Variants in PRKCE observed in about 807,000 individuals in gnomAD.
PRKCE encodes protein kinase C epsilon.
A neutral mutation model predicts 85.4 loss-of-function variants in PRKCE; 16 were observed. The ratio of observed to expected loss-of-function variants is 0.19; its 90% CI spans 0.13 to 0.28. PRKCE has a LOEUF of 0.28. Ranked by LOEUF, PRKCE falls within the 10% of genes least tolerant of loss-of-function variation. The probability of loss-of-function intolerance (pLI) is 1.00; values close to 1 mark genes in which losing one functional copy is unlikely to be tolerated. For missense variants in PRKCE, 573 were observed against 975.2 expected (o/e 0.59, Z 5.49); for synonymous variants, 388 against 371.5 (o/e 1.04, Z -0.51).
At chr2:45,655,072 C>T (rs890365135) in intron 1 of PRKCE, among the ~76,000 whole-genome samples, 1 of 152,164 alleles carries the variant, frequency 6.6e-6, no homozygotes, top group African/African-American at 2.4e-5. Context: ...TGCGGAACAC[C>T]GAATTCTGCC....
At position 46,048,548 on chromosome 2, in the gene PRKCE, C is replaced by T. The variant is rs72806747; in HGVS notation, c.1438-37660C>T. Among the ~76,000 whole-genome samples, 1,431 of 152,246 alleles carry T rather than the reference C, an allele frequency of 9.4e-3. 13 individuals are homozygous for T. The highest frequency in any genetic ancestry group is 0.03 in the South Asian group (143 of 4,818). On this transcript the variant is annotated intron_variant, in intron 10 of 14. Transcript: ENST00000306156. ...AAGCAAGGTGCTCGGGTCTTGTCAC[C>T]GAGGGGTGGACGTGCCCAGTGTCGG... is the stretch of plus-strand genomic sequence containing the variant.
intron 1 of PRKCE, among the ~76,000 whole-genome samples, chr2:45,820,134 T>C (rs1193116666): frequency 6.6e-6 from 1 of 152,114 alleles, no homozygotes; most frequent in East Asian, 1.9e-4. Context: ...ACGAAGGTAA[T>C]GGAAACATCA....
intron 10 of PRKCE, among the ~76,000 whole-genome samples, chr2:46,085,647 C>T (rs764671509): frequency 8.5e-6 from 1 of 117,630 alleles, no homozygotes; most frequent in Non-Finnish European, 1.8e-5. Flanking sequence ...CTTATAAGGA[C>T]ACTTATGATT....
intron 10 of PRKCE, among the ~76,000 whole-genome samples, chr2:46,071,050 T>G (rs1260379188): frequency 2.0e-5 from 3 of 152,206 alleles, no homozygotes; most frequent in Non-Finnish European, 4.4e-5. Context: ...CTCATCACTG[T>G]TCTCTTAAGT....
At chr2:45,682,375 G>A (rs1304532023) in intron 1 of PRKCE, among the ~76,000 whole-genome samples, 2 of 152,140 alleles carry the variant, frequency 1.3e-5, no homozygotes, top group South Asian at 4.1e-4. Context: ...CACACTGGTG[G>A]TAAGGGGGTA....
rs566780988 is a variant in PRKCE, at chr2:45,773,634, G to A, written c.349-69366G>A. On this transcript the variant is annotated intron_variant, in intron 1 of 14. Coordinates refer to ENST00000306156, the MANE Select transcript of PRKCE (RefSeq NM_005400.3). ...TGTGTAATTGGGACTTGAATTGACT[G>A]TTTGGGAGCATTCTAGAATTCCAGT... Among the ~76,000 whole-genome samples, 5 of 152,332 alleles carry A rather than the reference G, an allele frequency of 3.3e-5. No homozygotes were observed. The East Asian group carries it at 7.7e-4, about 24-fold the overall frequency.
In PRKCE at chr2:45,913,430, G is replaced by A. The variant is rs139805608; in HGVS notation, c.413-62999G>A. Reference sequence around the variant, plus strand: ...CTCCCAGAGTGCTTGGATTATAGGCGTGAGCCACCATGCCCAGCCAGCAAG... The same window carrying A: ...CTCCCAGAGTGCTTGGATTATAGGCATGAGCCACCATGCCCAGCCAGCAAG... On this transcript the variant is annotated intron_variant, in intron 2 of 14. Coordinates refer to ENST00000306156, the MANE Select transcript of PRKCE (RefSeq NM_005400.3). Among the ~76,000 whole-genome samples the A allele has an allele frequency of 1.9e-3, 287 of 152,332 alleles. 1 individual carries two copies. Among genetic ancestry groups the A allele is most frequent in the African/African-American group, 6.5e-3 (271 of 41,562 alleles).
At chr2:46,065,544 G>C (rs941669758) in intron 10 of PRKCE, among the ~76,000 whole-genome samples, 1 of 152,034 alleles carries the variant, frequency 6.6e-6, no homozygotes, top group African/African-American at 2.4e-5. Flanking sequence ...AAAAGTTATT[G>C]GTGTGTAAGG....
At chr2:45,765,277 A>G (rs1254732576) in intron 1 of PRKCE, among the ~76,000 whole-genome samples, 1 of 152,218 alleles carries the variant, frequency 6.6e-6, no homozygotes, top group Non-Finnish European at 1.5e-5. Context: ...CTGGAGAATA[A>G]GCTTTCTGAA....
At chr2:45,703,490 A>G (rs1162084717) in intron 1 of PRKCE, among the ~76,000 whole-genome samples, 1 of 152,020 alleles carries the variant, frequency 6.6e-6, no homozygotes, top group Non-Finnish European at 1.5e-5. Flanking sequence ...GTGAGCTGTG[A>G]TCACAACACT....
chr2:46,097,406 G>A (rs1670797875), intron 11 of PRKCE, among the ~76,000 whole-genome samples: 1 of 151,910 alleles, frequency 6.6e-6, no homozygotes, highest in Non-Finnish European at 1.5e-5. Flanking sequence ...TGTAGTCCCA[G>A]CTACTCGGGA....
At position 45,925,939 on chromosome 2, in the gene PRKCE, G is replaced by A. The variant is rs80306413; in HGVS notation, c.413-50490G>A. Reference sequence around the variant, plus strand: ...CAGGCCAGGGATAACCTGAGGGTGCGATTCGGTGGGGGAGGCAAGGCTAAC... The same window carrying A: ...CAGGCCAGGGATAACCTGAGGGTGCAATTCGGTGGGGGAGGCAAGGCTAAC... On this transcript the variant is annotated intron_variant, in intron 2 of 14. Transcript: ENST00000306156. 9.2e-3 allele frequency among the ~76,000 whole-genome samples: 1,394 copies of A among 152,322 alleles called. 22 individuals carry two copies. Among genetic ancestry groups the A allele is most frequent in the African/African-American group, 0.031 (1,303 of 41,564 alleles).
intron 1 of PRKCE, among the ~76,000 whole-genome samples, chr2:45,742,538 A>G (rs2104654792): frequency 6.6e-6 from 1 of 152,320 alleles, no homozygotes; most frequent in East Asian, 1.9e-4. Flanking sequence ...ATCACTAATC[A>G]TCAGAGAAAT....
At chr2:45,677,842 G>C (rs1369469563) in intron 1 of PRKCE, 3 of 985,414 alleles carry the variant, frequency 3.0e-6, no homozygotes, top group Non-Finnish European at 3.6e-6. Context: ...AGACACAACC[G>C]CTTCAGATGG....
chr2:45,782,088 G>A (rs1686235174), intron 1 of PRKCE, among the ~76,000 whole-genome samples: 1 of 152,090 alleles, frequency 6.6e-6, no homozygotes, highest in South Asian at 2.1e-4. Flanking sequence ...CAAATTAAGG[G>A]CCAGCCTTCA....
chr2:46,179,874 C>G (rs1679797725), intron 14 of PRKCE, among the ~76,000 whole-genome samples: 1 of 152,158 alleles, frequency 6.6e-6, no homozygotes, highest in African/African-American at 2.4e-5. Context: ...TTCCCAAAAT[C>G]AAAACACCCC....
At chr2:46,161,109 C>A (rs1176172556) in intron 14 of PRKCE, among the ~76,000 whole-genome samples, 1 of 152,228 alleles carries the variant, frequency 6.6e-6, no homozygotes, top group Non-Finnish European at 1.5e-5. Context: ...CCCACCATTC[C>A]AAGCCAGGAG....
intron 1 of PRKCE, among the ~76,000 whole-genome samples, chr2:45,671,119 A>G (rs1676138561): frequency 1.3e-5 from 2 of 152,224 alleles, no homozygotes; most frequent in African/African-American, 4.8e-5. Flanking sequence ...TCTTTGGAAG[A>G]TAAGGTGTTT....
intron 1 of PRKCE, among the ~76,000 whole-genome samples, chr2:45,835,616 A>G (rs1359082467): frequency 1.4e-5 from 2 of 146,876 alleles, no homozygotes; most frequent in Admixed American, 1.4e-4. Flanking sequence ...TTTTTTTTTA[A>G]GAGACAGGAT....
Sources: allele counts gnomAD v4.1 joint callset (sites outside exome capture counted in the v4.1 genomes callset), GRCh38; gene constraint gnomAD v4.1.1; transcripts MANE v1.5; gene names NCBI Gene and HGNC (gene_info 2026-07-23, HGNC 2026-07-21).